RGS6: variants seen among roughly 807,000 people sequenced by gnomAD.
RGS6 encodes the protein regulator of G protein signaling 6, also known as regulator of G-protein signaling 6.
In RGS6, 30 loss-of-function variants were observed where a neutral mutation model predicts 78.5. That is an observed-to-expected ratio of 0.38 (90% CI 0.29 to 0.52). The LOEUF (loss-of-function observed/expected upper bound fraction) is 0.52, where lower values mean the gene tolerates loss of function less well. Ranked by LOEUF, RGS6 falls within the 20% of genes least tolerant of loss-of-function variation. The probability of loss-of-function intolerance (pLI) is 0.85; values close to 1 mark genes in which losing one functional copy is unlikely to be tolerated. For synonymous variants in RGS6, 206 were observed against 206.0 expected (o/e 1.00, Z 0.00); for missense variants, 495 against 609.7 (o/e 0.81, Z 1.98).
intron 3 of RGS6, among the ~76,000 whole-genome samples, chr14:72,354,663 T>C (rs1021810362): frequency 1.3e-5 from 2 of 151,666 alleles, no homozygotes; most frequent in Non-Finnish European, 2.9e-5. Context: ...CTCTCTGGCC[T>C]CTCTGTAAAG....
At chr14:72,065,189 G>C (rs1002133684) in intron 2 of RGS6, among the ~76,000 whole-genome samples, 35 of 152,122 alleles carry the variant, frequency 2.3e-4, no homozygotes, top group African/African-American at 8.2e-4. Flanking sequence ...TGTTATCTCA[G>C]CATCTAGCAT....
the RGS6 span, among the ~76,000 whole-genome samples, chr14:72,590,450 G>A: frequency 1.3e-5 from 2 of 152,150 alleles, no homozygotes; most frequent in African/African-American, 4.8e-5. Flanking sequence ...GATGTTACTC[G>A]GCAATAACAG....
At chr14:72,304,388 G>T (rs1461166436) in intron 2 of RGS6, among the ~76,000 whole-genome samples, 1 of 152,206 alleles carries the variant, frequency 6.6e-6, no homozygotes, top group Non-Finnish European at 1.5e-5. Context: ...TAAGTGCACA[G>T]AACTCTATAG....
At chr14:71,925,704 G>C in the RGS6 span, among the ~76,000 whole-genome samples, 10 of 94,024 alleles carry the variant, frequency 1.1e-4, no homozygotes, top group Non-Finnish European at 1.9e-4. Flanking sequence ...TCAAAAATTA[G>C]ATGACTTCAT....
At chr14:72,256,990 C>A (rs145514280) in intron 2 of RGS6, among the ~76,000 whole-genome samples, 5 of 152,282 alleles carry the variant, frequency 3.3e-5, no homozygotes, top group African/African-American at 1.2e-4. Flanking sequence ...TGGGTAGACA[C>A]CTGCAAGAGG....
intron 3 of RGS6, among the ~76,000 whole-genome samples, chr14:72,364,965 G>T (rs151217048): frequency 6.6e-6 from 1 of 152,244 alleles, no homozygotes; most frequent in African/African-American, 2.4e-5. Flanking sequence ...ATAAAAAGTA[G>T]TATCTTGCTG....
At chr14:72,324,861 G>A (rs1304936608) in intron 2 of RGS6, among the ~76,000 whole-genome samples, 8 of 152,124 alleles carry the variant, frequency 5.3e-5, no homozygotes, top group Non-Finnish European at 1.2e-4. Context: ...AATCCTTTGG[G>A]TATATATCCA....
intron 2 of RGS6, among the ~76,000 whole-genome samples, chr14:72,242,035 C>A (rs779212093): frequency 6.6e-6 from 1 of 152,118 alleles, no homozygotes; most frequent in Non-Finnish European, 1.5e-5. Flanking sequence ...CTTTTTGGAG[C>A]CAAAAGAGTT....
At chr14:72,602,222 G>A in the RGS6 span, among the ~76,000 whole-genome samples, 5 of 152,198 alleles carry the variant, frequency 3.3e-5, no homozygotes, top group Non-Finnish European at 7.3e-5. Context: ...TAAGTTTCTT[G>A]AGGAAACTTA....
At chr14:71,916,419 G>GAAATTTCGGT in the RGS6 span, among the ~76,000 whole-genome samples, 1 of 146,808 alleles carries the variant, frequency 6.8e-6, no homozygotes, top group African/African-American at 2.5e-5. Context: ...ATGCCCTCAA[G>GAAATTTCGGT]AAATTTTGGT....
intron 17 of RGS6, 70 bp from the exon 18 acceptor site, chr14:72,562,347 G>A (rs2097687073): frequency 2.0e-6 from 3 of 1,492,984 alleles, no homozygotes; most frequent in Non-Finnish European, 2.8e-6. Flanking sequence ...TAATTCACCT[G>A]TCTGGCTCTC....
At chr14:71,914,498 C>G in the RGS6 span, among the ~76,000 whole-genome samples, 2 of 152,162 alleles carry the variant, frequency 1.3e-5, no homozygotes, top group African/African-American at 4.8e-5. Context: ...TAAGAACTAA[C>G]GGATCTTAAT....
At chr14:72,543,082 T>G (rs1320502630) in intron 17 of RGS6, among the ~76,000 whole-genome samples, 1 of 152,232 alleles carries the variant, frequency 6.6e-6, no homozygotes, top group Non-Finnish European at 1.5e-5. Flanking sequence ...CCAAGCATCC[T>G]GTCATTTTGC....
chr14:72,369,257 G>A (rs2082990883), intron 3 of RGS6, among the ~76,000 whole-genome samples: 1 of 152,108 alleles, frequency 6.6e-6, no homozygotes, highest in African/African-American at 2.4e-5. Flanking sequence ...AAGAAGAGGA[G>A]AAGGCCATAT....
intron 2 of RGS6, among the ~76,000 whole-genome samples, chr14:72,073,652 T>C (rs1172395024): frequency 6.6e-6 from 1 of 152,156 alleles, no homozygotes; most frequent in Non-Finnish European, 1.5e-5. Flanking sequence ...AAGTGGAGAA[T>C]GTGAAGAAAA....
chr14:72,080,318 A>G (rs2094765547), intron 2 of RGS6, among the ~76,000 whole-genome samples: 2 of 151,864 alleles, frequency 1.3e-5, no homozygotes, highest in Non-Finnish European at 2.9e-5. Flanking sequence ...TTGGCCATTC[A>G]TATGTCTTCT....
chr14:72,242,212 C>G (rs2053046348), intron 2 of RGS6, among the ~76,000 whole-genome samples: 1 of 152,048 alleles, frequency 6.6e-6, no homozygotes. Flanking sequence ...ACCAACTTAA[C>G]AAAGGTGAAG....
chr14:72,155,588 T>C (rs1359500696), intron 2 of RGS6, among the ~76,000 whole-genome samples: 4 of 152,230 alleles, frequency 2.6e-5, no homozygotes, highest in Admixed American at 2.6e-4. Flanking sequence ...GAGGTTTACT[T>C]TGATTTCTGA....
chr14:71,941,611 T>C (rs2090576312), intron 1 of RGS6, among the ~76,000 whole-genome samples: 1 of 152,280 alleles, frequency 6.6e-6, no homozygotes, highest in East Asian at 1.9e-4. Context: ...TGGAGTCAGA[T>C]GTTTGAGGGC....
Sources: allele counts gnomAD v4.1 joint callset (sites outside exome capture counted in the v4.1 genomes callset), GRCh38; gene constraint gnomAD v4.1.1; transcripts MANE v1.5; gene names NCBI Gene and HGNC (gene_info 2026-07-23, HGNC 2026-07-21).